NDST1: variants seen among roughly 807,000 people sequenced by gnomAD.
The protein encoded by NDST1 is N-deacetylase and N-sulfotransferase 1, also known as bifunctional heparan sulfate N-deacetylase/N-sulfotransferase 1.
Under a neutral mutation model 92.8 loss-of-function variants are expected in NDST1, and 35 were observed. The ratio of observed to expected loss-of-function variants is 0.38; its 90% CI spans 0.29 to 0.50. NDST1 has a LOEUF of 0.50. Ranked by LOEUF, NDST1 falls within the 20% of genes least tolerant of loss-of-function variation. The probability of loss-of-function intolerance (pLI) is 0.94; values close to 1 mark genes in which losing one functional copy is unlikely to be tolerated. For missense variants in NDST1, 822 were observed against 1,182.7 expected (o/e 0.69, Z 4.47); for synonymous variants, 493 against 500.3 (o/e 0.99, Z 0.19).
In NDST1 at chr5:150,553,933, G is replaced by A. The variant is rs1755816758; in HGVS notation, c.*601G>A. The A allele has an allele frequency of 4.7e-6, 2 of 426,242 alleles. No individual in the cohort carries two copies. Among genetic ancestry groups the A allele is most frequent in the South Asian group, 9.2e-5 (1 of 10,906 alleles). The allele number at this position is 426,242 out of a possible 1,614,324, so 26.4% of individuals were successfully genotyped here. On this transcript the variant is annotated 3_prime_UTR_variant, in exon 15 of 15. Coordinates refer to ENST00000261797, the MANE Select transcript of NDST1 (RefSeq NM_001543.5). This position sits in a 1 kb window ranked among gnomAD's most constrained non-coding sequence, Gnocchi z 4.2. ...CTCCCGTTCTGGGGAAGAATTTCTG[G>A]TTCCTACAGTATCCACTCCATCCTC...
upstream of NDST1, among the ~76,000 whole-genome samples, chr5:150,503,585 G>A (rs148017995): frequency 2.0e-5 from 3 of 152,352 alleles, no homozygotes; most frequent in Admixed American, 6.5e-5. Flanking sequence ...GGGAGGAACC[G>A]TGGGAGGTTA....
At chr5:150,517,618 AT>A (rs953618256) in intron 1 of NDST1, among the ~76,000 whole-genome samples, 2 of 152,096 alleles carry the variant, frequency 1.3e-5, no homozygotes, top group Non-Finnish European at 2.9e-5. Context: ...TGCCAAAAAA[AT>A]TTTCTTTGCT....
chr5:150,529,543 C>T (rs1039455633), intron 3 of NDST1, among the ~76,000 whole-genome samples: 6 of 152,154 alleles, frequency 3.9e-5, no homozygotes, highest in African/African-American at 1.4e-4. Context: ...CAGTTTTCAT[C>T]TACTCACTAT....
chr5:150,513,160 A>C (rs1391955037), intron 1 of NDST1, among the ~76,000 whole-genome samples: 5 of 152,040 alleles, frequency 3.3e-5, no homozygotes, highest in Non-Finnish European at 7.4e-5. Flanking sequence ...GTGCCCCTGC[A>C]CTCCAGCCTG....
chr5:150,510,177 A>G (rs1753657423), intron 1 of NDST1, among the ~76,000 whole-genome samples: 1 of 152,146 alleles, frequency 6.6e-6, no homozygotes, highest in Non-Finnish European at 1.5e-5. Context: ...CATAGCAGTG[A>G]CACCTCTTTC....
At chr5:150,543,881 G>A (rs1198859215) in intron 10 of NDST1, among the ~76,000 whole-genome samples, 1 of 152,094 alleles carries the variant, frequency 6.6e-6, no homozygotes, top group East Asian at 1.9e-4. Context: ...CCGGGTTCAA[G>A]TGATTCTCCT....
intron 11 of NDST1, among the ~76,000 whole-genome samples, chr5:150,545,982 C>G (rs1285079244): frequency 6.8e-6 from 1 of 147,734 alleles, no homozygotes; most frequent in African/African-American, 2.5e-5. Context: ...ATGTATGAAC[C>G]AGAGCTGTCT....
chr5:150,556,468 G>T lies in NDST1; in HGVS notation c.*3136G>T, dbSNP rs529890885. On this transcript the variant is annotated 3_prime_UTR_variant, in exon 15 of 15. Transcript: ENST00000261797. Reference sequence around the variant, plus strand: ...CAGAGGTTGGTGGTCCCAGCACAGAGCTGTGCCCATGGGCTTGTTAGTGGG... The same window carrying T: ...CAGAGGTTGGTGGTCCCAGCACAGATCTGTGCCCATGGGCTTGTTAGTGGG... 6.6e-6 allele frequency: 1 copy of T among 152,364 alleles called. No individual in the cohort carries two copies. Among genetic ancestry groups the T allele is most frequent in the East Asian group, 1.9e-4 (1 of 5,190 alleles). 9.4% of individuals were successfully genotyped at this position (152,364 alleles called of 1,614,324 possible).
chr5:150,499,705 C>T (rs989800545), intron 1 of NDST1, among the ~76,000 whole-genome samples: 4 of 152,206 alleles, frequency 2.6e-5, no homozygotes, highest in African/African-American at 9.7e-5. Context: ...CCAAGATAAG[C>T]TCTGCCTGCG....
intron 12 of NDST1, among the ~76,000 whole-genome samples, chr5:150,549,134 C>T (rs552609560): frequency 6.6e-6 from 1 of 152,298 alleles, no homozygotes; most frequent in South Asian, 2.1e-4. Flanking sequence ...ACCTCAGCCT[C>T]CCAAGTAGCT....
In NDST1 at chr5:150,542,851, C is replaced by T. The variant is rs1295693644; in HGVS notation, c.1850C>T (p.Thr617Ile). 1 of 1,614,038 alleles carries T rather than the reference C, an allele frequency of 6.2e-7. No individual in the cohort carries two copies. The highest frequency in any genetic ancestry group is 1.7e-5 in the Admixed American group (1 of 60,004). ...CAGGTGTCTACCCTCCCCACAGGCA[C>T]CACTGCCCTCTACCTGTTCCTGGGC... ...LLIIGPQKTGTTALYLFLGMH... is the reference protein window; with the variant it reads ...LLIIGPQKTGITALYLFLGMH... Residue 617 changes from threonine to isoleucine, a missense_variant, in exon 10 of 15, where the codon ACC becomes ATC. Coordinates refer to ENST00000261797, the MANE Select transcript of NDST1 (RefSeq NM_001543.5).
At chr5:150,544,674 G>A (rs767657850) in intron 10 of NDST1, among the ~76,000 whole-genome samples, 13 of 152,206 alleles carry the variant, frequency 8.5e-5, no homozygotes, top group Non-Finnish European at 1.8e-4. Context: ...CCCTGGGAGG[G>A]TCTGGAGTGT....
At position 150,554,169 on chromosome 5, in the gene NDST1, G is replaced by A. The variant is rs1755821751; in HGVS notation, c.*837G>A. On this transcript the variant is annotated 3_prime_UTR_variant, in exon 15 of 15. Transcript: ENST00000261797. ...GCCTCAGGCCCAGGCAGACATGGGC[G>A]AGCTGGTGAGACTGCCAGCCACGGC... 1 of 398,804 alleles carries A rather than the reference G, an allele frequency of 2.5e-6. No homozygotes were observed. Among genetic ancestry groups the A allele is most frequent in the Non-Finnish European group, 4.4e-6 (1 of 226,016 alleles). 24.7% of individuals were successfully genotyped at this position (398,804 alleles called of 1,614,324 possible). A position where few individuals can be genotyped will look rare whatever the true frequency, so the allele number is the denominator to read the frequency against.
At chr5:150,543,628 G>A (rs1186791439) in intron 10 of NDST1, among the ~76,000 whole-genome samples, 3 of 152,170 alleles carry the variant, frequency 2.0e-5, no homozygotes, top group Admixed American at 1.3e-4. Context: ...AACAAGGTTC[G>A]AGGTGGGTAC....
chr5:150,517,876 G>A (rs1448592722), intron 1 of NDST1, among the ~76,000 whole-genome samples: 1 of 152,254 alleles, frequency 6.6e-6, no homozygotes, highest in African/African-American at 2.4e-5. Flanking sequence ...GGGATTGGGT[G>A]GCCAACGTGG....
At chr5:150,548,505 GCTAGAC>G in intron 12 of NDST1, 117 bp downstream of exon 12, 1 of 1,119,858 alleles carries the variant, frequency 8.9e-7, no homozygotes, top group Non-Finnish European at 1.3e-6. Context: ...TCCTTGGAGA[GCTAGAC>G]CCTTGGGTCT....
rs1478391984 is a variant in NDST1 at position 150,521,001 on chromosome 5, G to A, written c.-254G>A. The A allele has an allele frequency of 3.4e-6, 2 of 595,632 alleles. No homozygotes were observed. Among genetic ancestry groups the A allele is most frequent in the South Asian group, 2.0e-5 (1 of 49,012 alleles). The allele number at this position is 595,632 out of a possible 1,614,324, so 36.9% of individuals were successfully genotyped here. ...GCACTTCTGCTCTGCACAGGACCACGCGGGGGTTTGCCATGGTGACATAAA... is the reference window on the plus strand; with the variant it reads ...GCACTTCTGCTCTGCACAGGACCACACGGGGGTTTGCCATGGTGACATAAA... On this transcript the variant is annotated 5_prime_UTR_variant, in exon 2 of 15. Coordinates refer to ENST00000261797, the MANE Select transcript of NDST1 (RefSeq NM_001543.5). The surrounding 1 kb of genome is among the most constrained non-coding windows in gnomAD (Gnocchi z 5.9).
At chr5:150,501,748 G>T (rs1234765480) in intron 1 of NDST1, among the ~76,000 whole-genome samples, 1 of 152,214 alleles carries the variant, frequency 6.6e-6, no homozygotes, top group Non-Finnish European at 1.5e-5. Flanking sequence ...TGACATTTGA[G>T]TGGTGGGATG....
In NDST1 at chr5:150,556,331, T is replaced by C. The variant is rs35953241; in HGVS notation, c.*2999T>C. Reference sequence around the variant, plus strand: ...CATCCTGCTGCTTGGAGGATGAGTCTGAAGTTTAAAAATGGGCCTTTTCTG... The same window carrying C: ...CATCCTGCTGCTTGGAGGATGAGTCCGAAGTTTAAAAATGGGCCTTTTCTG... On this transcript the variant is annotated 3_prime_UTR_variant, in exon 15 of 15. Coordinates refer to ENST00000261797, the MANE Select transcript of NDST1 (RefSeq NM_001543.5). 0.029 allele frequency: 4,357 copies of C among 152,212 alleles called. 77 individuals are homozygous for C. Among genetic ancestry groups the C allele is most frequent in the Middle Eastern group, 0.058 (17 of 294 alleles). The allele number at this position is 152,212 out of a possible 1,614,324, so 9.4% of individuals were successfully genotyped here.
Sources: gnomAD v4.1 joint callset for allele counts (sites outside exome capture counted in the v4.1 genomes callset) on GRCh38, gnomAD v4.1.1 for gene constraint, Gnocchi (gnomAD v3.1) non-coding constraint, MANE v1.5 for transcripts, NCBI Gene and HGNC (gene_info 2026-07-23, HGNC 2026-07-21) for gene names.